The following NEB variants were observed in gnomAD, a reference collection of about 807,000 sequenced individuals.
NEB encodes the protein nemaline myopathy type 2.
A neutral mutation model predicts 952.2 loss-of-function variants in NEB; 512 were observed. The ratio of observed to expected loss-of-function variants is 0.54; its 90% CI spans 0.50 to 0.58. The LOEUF is 0.58. NEB is among the 20% of genes least tolerant of loss of function. NEB has a pLI of 0.00. For missense variants in NEB, 8,428 were observed against 9,231.1 expected (o/e 0.91, Z 3.56); for synonymous variants, 2,900 against 3,149.8 (o/e 0.92, Z 2.66).
intron 165 of NEB, among the ~76,000 whole-genome samples, chr2:151,503,763 A>G (rs2066608788): frequency 1.3e-5 from 2 of 152,212 alleles, no homozygotes; most frequent in African/African-American, 4.8e-5. Flanking sequence ...TGCCTCAAAT[A>G]TAGTAGGCCT....
intron 161 of NEB, among the ~76,000 whole-genome samples, chr2:151,509,734 TCTC>T (rs2072545272): frequency 6.6e-6 from 1 of 152,136 alleles, no homozygotes; most frequent in East Asian, 1.9e-4. Flanking sequence ...TTCAAGCAAT[TCTC>T]CTGCCTCAGG....
chr2:151,568,668 C>T lies in NEB; in HGVS notation c.17584G>A (p.Asp5862Asn). The change falls in exon 111 of 182, where the codon GAC becomes AAC. Residue 5862 changes from aspartate (D) to asparagine (N), a missense_variant. By Grantham distance (23) the Asp-to-Asn change is conservative (BLOSUM62 1). Around this residue, in one of 11 missense-constraint regions of NEB, gnomAD observed 3,374 missense variants for 3,651.5 expected, o/e 0.92. Transcript: ENST00000397345. ...TTCGCTGTCACATAATCAACTCTGT[C>T]ATCCACAGGCGTAAAGTTGAGAGTT... ...IETLNFTPVD[D>N]RVDYVTAKQS... The T allele has an allele frequency of 6.2e-7, 1 of 1,609,738 alleles. No individual in the cohort carries two copies. The highest frequency in any genetic ancestry group is 8.5e-7 in the Non-Finnish European group (1 of 1,177,872).
intron 162 of NEB, chr2:151,507,698 G>C (rs1377310883): frequency 3.4e-6 from 1 of 296,702 alleles, no homozygotes; most frequent in East Asian, 6.2e-5. Flanking sequence ...TAAATTGTGT[G>C]TCTCTCTTGT....
chr2:151,698,896 T>G (rs1192822248), intron 13 of NEB, among the ~76,000 whole-genome samples: 20 of 150,462 alleles, frequency 1.3e-4, no homozygotes, highest in African/African-American at 4.9e-4. Context: ...TACTTTAAGT[T>G]TTAGGGTACA....
chr2:151,660,754 G>A lies in NEB; in HGVS notation c.5970+1381C>T, dbSNP rs558719999. On this transcript the variant is annotated intron_variant, in intron 46 of 181. Transcript: ENST00000397345. Reference sequence around the variant, plus strand: ...CACGCCAACAAACAGCTGTGGTTGTGTCACTATAAAACTTTATTTACAAAA... The same window carrying A: ...CACGCCAACAAACAGCTGTGGTTGTATCACTATAAAACTTTATTTACAAAA... 2.0e-5 allele frequency among the ~76,000 whole-genome samples: 3 copies of A among 152,252 alleles called. No homozygotes were observed. The South Asian group carries it at 6.2e-4, about 32-fold the overall frequency.
chr2:151,492,673 G>A (rs1491000868), intron 176 of NEB, 179 bp from the exon 177 acceptor site: 1 of 413,304 alleles, frequency 2.4e-6, no homozygotes, highest in Non-Finnish European at 4.3e-6. Context: ...GGGCCCGCCA[G>A]TGGAAGAGAA....
intron 64 of NEB, 72 bp from the exon 65 acceptor site, chr2:151,634,037 T>A: frequency 6.7e-7 from 1 of 1,492,524 alleles, no homozygotes; most frequent in South Asian, 1.3e-5. Flanking sequence ...CAAAATCAAC[T>A]TGCTTACATC....
At chr2:151,540,855 C>T (rs2093946293) in intron 136 of NEB, 54 bp from the exon 137 acceptor site, 5 of 1,400,332 alleles carry the variant, frequency 3.6e-6, no homozygotes, top group Admixed American at 1.7e-5. Context: ...TAGTATTTAG[C>T]ATTCAGTCCA....
intron 136 of NEB, among the ~76,000 whole-genome samples, chr2:151,541,114 C>T (rs191012906): frequency 6.6e-6 from 1 of 152,190 alleles, no homozygotes; most frequent in Non-Finnish European, 1.5e-5. Context: ...ATATTTTCCC[C>T]TGATTTTTGC....
chr2:151,492,153 C>A lies in NEB; in HGVS notation c.25002G>T (p.Arg8334Ser). 1 of 1,613,924 alleles carries A rather than the reference C, an allele frequency of 6.2e-7. No homozygotes were observed. The highest frequency in any genetic ancestry group is 8.5e-7 in the Non-Finnish European group (1 of 1,179,874). Residue 8334 changes from arginine to serine, a missense_variant, in exon 178 of 182, where the codon AGG becomes AGT. Physicochemically the swap from Arg to Ser is moderately radical, Grantham distance 110. This residue lies in a region of NEB where 3,374 missense variants were observed against 3,651.5 expected (regional missense o/e 0.92). Transcript: ENST00000397345. ...FSDINYRGIQRKVVEMEQKRN... is the reference protein window; with the variant it reads ...FSDINYRGIQSKVVEMEQKRN... ...GTTTTTGTTCCATTTCTACCACTTT[C>A]CTCTGAATACCTCGGTAGTTAATGT...
chr2:151,550,524 C>T (rs770890576), intron 129 of NEB, among the ~76,000 whole-genome samples: 1 of 152,168 alleles, frequency 6.6e-6, no homozygotes, highest in Non-Finnish European at 1.5e-5. Flanking sequence ...GGTCAGGATG[C>T]ATGTGTTCAT....
At chr2:151,562,330 C>CCT in intron 120 of NEB, 116 bp from the exon 121 acceptor site, 1 of 910,554 alleles carries the variant, frequency 1.1e-6, no homozygotes, top group Non-Finnish European at 1.8e-6. Context: ...ATAGGGTAGG[C>CCT]CTCTCACCAG....
chr2:151,490,733 G>A (rs2055795597), intron 179 of NEB, among the ~76,000 whole-genome samples: 1 of 152,206 alleles, frequency 6.6e-6, no homozygotes, highest in South Asian at 2.1e-4. Context: ...TCATGGAACA[G>A]TTAAGTTGTA....
In NEB at chr2:151,654,116, T is replaced by C; in HGVS notation, c.6808-17A>G. 6.6e-7 allele frequency: 1 copy of C among 1,512,420 alleles called. No individual in the cohort carries two copies. Among genetic ancestry groups the C allele is most frequent in the Non-Finnish European group, 9.1e-7 (1 of 1,096,530 alleles). The allele number at this position is 1,512,420 out of a possible 1,614,324, so 93.7% of individuals were successfully genotyped here. ...ATAGAGTTTCTGAAAATTAAAGATA[T>C]TCTTCAGCATTATTCTGTCTATATA... On this transcript the variant is annotated splice_polypyrimidine_tract_variant and intron_variant, in intron 51 of 181. Coordinates refer to ENST00000397345, the MANE Select transcript of NEB (RefSeq NM_001164508.2).
intron 25 of NEB, among the ~76,000 whole-genome samples, chr2:151,688,064 T>C (rs183081714): frequency 6.6e-4 from 100 of 152,312 alleles, no homozygotes; most frequent in African/African-American, 2.4e-3. Flanking sequence ...CTCCAGGGAA[T>C]AGTAGACGGG....
chr2:151,718,778 T>G (rs1164330854), intron 9 of NEB, among the ~76,000 whole-genome samples: 1 of 152,210 alleles, frequency 6.6e-6, no homozygotes, highest in African/African-American at 2.4e-5. Flanking sequence ...TCTATCACCT[T>G]AAAATAAGTA....
chr2:151,619,453 C>T lies in NEB; in HGVS notation c.10870G>A (p.Asp3624Asn). 6.3e-7 allele frequency: 1 copy of T among 1,590,306 alleles called. No homozygotes were observed. The highest frequency in any genetic ancestry group is 8.6e-7 in the Non-Finnish European group (1 of 1,164,238). The change falls in exon 73 of 182, where the codon GAC becomes AAC. Residue 3624 changes from aspartate to asparagine, a missense_variant and splice_region_variant. Asp to Asn is a conservative substitution (Grantham distance 23). Transcript: ENST00000397345. ...HARKAYDLQS[D>N]NLYKSDLEWM... ...GAGCTAACATCAAGGAAACTTACGT[C>T]ACTCTGGAGGTCATAGGCTTTCCGT... is the stretch of plus-strand genomic sequence containing the variant.
intron 74 of NEB, 94 bp downstream of exon 74, chr2:151,618,181 C>T (rs536150202): frequency 1.3e-5 from 15 of 1,130,432 alleles, no homozygotes; most frequent in African/African-American, 1.2e-4. Context: ...TATCATAATG[C>T]TTATTATTAT....
Position 151,516,465 on chromosome 2 carries a change from C to T in NEB, c.22899G>A (p.Gln7633=). The part of the protein sequence containing the change: ...YITAKESQQM[Q]SGKEYRKDYE... The stretch of plus-strand genomic sequence containing the variant: ...TGTGGTTTTTTTGACTTACCCCACT[C>T]TGCATCTGCTGAGACTCTTTGGCAG... The change falls in exon 157 of 182, where the codon CAG becomes CAA. Residue 7633 remains glutamine (Q), a synonymous_variant. Transcript: ENST00000397345. The T allele has an allele frequency of 1.2e-6, 2 of 1,608,774 alleles. No individual in the cohort carries two copies. The highest frequency in any genetic ancestry group is 8.5e-7 in the Non-Finnish European group (1 of 1,175,576).
Sources: gnomAD v4.1 joint callset for allele counts (sites outside exome capture counted in the v4.1 genomes callset) on GRCh38, gnomAD v4.1.1 for gene constraint, gnomAD v4.1.1 regional missense constraint, MANE v1.5 for transcripts, NCBI Gene and HGNC (gene_info 2026-07-23, HGNC 2026-07-21) for gene names.